KRT8: variants seen among roughly 807,000 people sequenced by gnomAD.
KRT8 encodes keratin 8.
A neutral mutation model predicts 43.0 loss-of-function variants in KRT8; 24 were observed. The observed-to-expected ratio is 0.56, with a 90% CI of 0.40 to 0.78. The LOEUF is 0.78. Ranked by LOEUF, KRT8 falls within the 30% of genes least tolerant of loss-of-function variation. The pLI, the probability that KRT8 is intolerant of heterozygous loss-of-function variation, is 0.00. For missense variants in KRT8, 492 were observed against 638.4 expected, an observed-to-expected ratio of 0.77 and a Z score of 2.47; for synonymous variants, 214 against 261.2, an observed-to-expected ratio of 0.82 and a Z score of 1.74.
At chr12:52,908,774 G>A (rs578169775), upstream of KRT8, among the ~76,000 whole-genome samples, 1 of 152,310 alleles carries the variant, frequency 6.6e-6, no homozygotes, top group African/African-American at 2.4e-5. Context: ...GGGAGGTCGA[G>A]GCAGGAGGAT....
chr12:52,929,037 C>T (rs1227338622), intron 2 of KRT8, among the ~76,000 whole-genome samples: 1 of 152,172 alleles, frequency 6.6e-6, no homozygotes. Context: ...TCACCTCCTC[C>T]TACATCCCCA....
intron 7 of KRT8, 44 bp downstream of exon 7, chr12:52,898,417 G>GGA: frequency 1.3e-6 from 2 of 1,572,582 alleles, no homozygotes; most frequent in Non-Finnish European, 1.7e-6. Flanking sequence ...AGGCCTCCCT[G>GGA]GGCCCTGCCT....
chr12:52,898,183 T>G (rs1941263055), intron 7 of KRT8, among the ~76,000 whole-genome samples: 1 of 152,104 alleles, frequency 6.6e-6, no homozygotes. Flanking sequence ...TAAATTAAAT[T>G]AATAAATAAA....
intron 2 of KRT8, chr12:52,949,323 C>T: frequency 6.2e-7 from 1 of 1,610,488 alleles, no homozygotes; most frequent in Non-Finnish European, 8.5e-7. Flanking sequence ...CCGTGTCCCG[C>T]TCCACCAGCT....
rs764061571 is a variant in KRT8, at chr12:52,949,701, G to A, written c.-177+14C>T. 15 of 1,013,348 alleles carry A rather than the reference G, an allele frequency of 1.5e-5. No individual in the cohort carries two copies. In the African/African-American group the frequency reaches 1.6e-4, roughly 11 times the overall value. 62.8% of individuals were successfully genotyped at this position (1,013,348 alleles called of 1,614,324 possible). On this transcript the variant is annotated intron_variant, in intron 1 of 6. Coordinates refer to the KRT8 transcript ENST00000546826. ...CACCCAACCCCTACTCCACCGGGAG[G>A]GGGTTGGGCATACCTGGATTTCCAT...
intron 2 of KRT8, chr12:52,948,720 G>A: frequency 2.5e-6 from 1 of 394,616 alleles, no homozygotes; most frequent in Non-Finnish European, 4.5e-6. Flanking sequence ...TCGATCTCCT[G>A]ACCTCGTGAT....
At chr12:52,927,489 T>G (rs551859150) in intron 2 of KRT8, among the ~76,000 whole-genome samples, 1 of 152,252 alleles carries the variant, frequency 6.6e-6, no homozygotes, top group East Asian at 1.9e-4. Context: ...TGTCCCAAAC[T>G]AAGGGGTGGC....
chr12:52,899,842 G>A, exon 5 of KRT8: 1 of 1,612,204 alleles, frequency 6.2e-7, no homozygotes, highest in Non-Finnish European at 8.5e-7. Flanking sequence ...AGAGATCTCA[G>A]TCTTTGTGCG....
intron 2 of KRT8, among the ~76,000 whole-genome samples, chr12:52,915,845 A>G (rs1941728051): frequency 1.3e-5 from 2 of 152,256 alleles, no homozygotes; most frequent in South Asian, 2.1e-4. Context: ...GTATAAAGAT[A>G]TCCGTGTACA....
chr12:52,898,908 T>C lies in KRT8; in HGVS notation c.982-9A>G, dbSNP rs756180628. On this transcript the variant is annotated splice_polypyrimidine_tract_variant and intron_variant, in intron 5 of 7. Coordinates refer to ENST00000692008, the Ensembl canonical transcript of KRT8. ...GCCTCCAGGGAAGCCCTCTGTGGGG[T>C]AGGGGACAGGTAAGTAGGTCAGGTT... The C allele has an allele frequency of 1.2e-5, 20 of 1,612,468 alleles. No homozygotes were observed. The East Asian group carries it at 4.0e-4, about 32-fold the overall frequency.
intron 1 of KRT8, 103 bp downstream of exon 1, chr12:52,904,555 G>T: frequency 9.1e-7 from 1 of 1,100,658 alleles, no homozygotes; most frequent in Non-Finnish European, 1.4e-6. Flanking sequence ...GGCGGGTGAG[G>T]CCCAGCAGGA....
chr12:52,917,021 A>G (rs1941754302), intron 2 of KRT8, among the ~76,000 whole-genome samples: 1 of 152,170 alleles, frequency 6.6e-6, no homozygotes, highest in Admixed American at 6.5e-5. Flanking sequence ...ACCAGCACCA[A>G]TAGGAAGGAT....
chr12:52,917,310 G>A (rs1323888487), intron 2 of KRT8, among the ~76,000 whole-genome samples: 2 of 151,834 alleles, frequency 1.3e-5, no homozygotes, highest in East Asian at 1.9e-4. Context: ...GCTGAGGCAG[G>A]AGAATTGCTT....
At chr12:52,942,216 G>A (rs763228614) in intron 2 of KRT8, among the ~76,000 whole-genome samples, 42 of 152,180 alleles carry the variant, frequency 2.8e-4, no homozygotes, top group Non-Finnish European at 4.4e-4. Context: ...CACCTGCTCC[G>A]CCCCAGGCCC....
chr12:52,901,206 T>A, exon 3 of KRT8: 1 of 1,611,374 alleles, frequency 6.2e-7, no homozygotes, highest in African/African-American at 1.3e-5. Context: ...CGCTTATTGA[T>A]CTCATCCTCA....
At chr12:52,914,731 G>T (rs1384792294) in intron 2 of KRT8, among the ~76,000 whole-genome samples, 1 of 152,216 alleles carries the variant, frequency 6.6e-6, no homozygotes, top group Non-Finnish European at 1.5e-5. Flanking sequence ...AGAAGTTCAA[G>T]GGTGCATTTG....
At chr12:52,903,489 T>G (rs943878540) in intron 1 of KRT8, 7 of 152,226 alleles carry the variant, frequency 4.6e-5, no homozygotes, top group African/African-American at 1.7e-4. Context: ...CCTCCCGGCT[T>G]ACTCTGCCCC....
chr12:52,929,188 CTTTTT>C lies in KRT8; in HGVS notation c.-47+20263_-47+20267del, dbSNP rs59896088. On this transcript the variant is annotated intron_variant, in intron 2 of 6. Coordinates refer to the KRT8 transcript ENST00000546826. ...CCACTCCTCCTTCCTTCCTTCCTTT[CTTTTT>C]TTTTTTTTTTTTTCCAGATTCTCAC... Among the ~76,000 whole-genome samples the C allele has an allele frequency of 4.5e-5, 6 of 132,906 alleles. No individual in the cohort carries two copies. The East Asian group carries it at 8.9e-4, about 20-fold the overall frequency. 87.2% of individuals were successfully genotyped at this position (132,906 alleles called of 152,430 possible). A position where few individuals can be genotyped will look rare whatever the true frequency, so the allele number is the denominator to read the frequency against.
Position 52,898,674 on chromosome 12 carries a change from C to T in KRT8, c.1202+5G>A. The T allele has an allele frequency of 6.2e-7, 1 of 1,614,212 alleles. No individual in the cohort carries two copies. Among genetic ancestry groups the T allele is most frequent in the Non-Finnish European group, 8.5e-7 (1 of 1,180,040 alleles). On this transcript the variant is annotated splice_donor_5th_base_variant and intron_variant, in intron 6 of 7. Coordinates refer to ENST00000692008, the Ensembl canonical transcript of KRT8. ...GCAGGTCCGGTCAGAGGTACCCACA[C>T]CCACCGGCTCTCCTCGCCCTCCAGC... is the stretch of plus-strand genomic sequence containing the variant.
Sources: gnomAD v4.1 joint callset for allele counts (sites outside exome capture counted in the v4.1 genomes callset) on GRCh38, gnomAD v4.1.1 for gene constraint, MANE v1.5 for transcripts, NCBI Gene and HGNC (gene_info 2026-07-23, HGNC 2026-07-21) for gene names.